FOCAD: variants seen among roughly 807,000 people sequenced by gnomAD.
The protein encoded by FOCAD is focadhesin.
Under a neutral mutation model 225.6 loss-of-function variants are expected in FOCAD, and 198 were observed. That is an observed-to-expected ratio of 0.88 (90% confidence interval 0.78 to 0.99). The LOEUF is 0.99. FOCAD is among the 50% of genes least tolerant of loss of function. The probability of loss-of-function intolerance (pLI) is 0.00; values close to 1 mark genes in which losing one functional copy is unlikely to be tolerated. For missense variants in FOCAD, 2,713 were observed against 2,123.6 expected (o/e 1.28, Z -5.46); for synonymous variants, 897 against 755.0 (o/e 1.19, Z -3.08).
intron 2 of FOCAD, among the ~76,000 whole-genome samples, chr9:20,671,616 A>AAT (rs886682923): frequency 1.3e-4 from 6 of 46,656 alleles, no homozygotes; most frequent in Non-Finnish European, 2.7e-4. Context: ...CATGTAATAA[A>AAT]AGAGGAGAGA....
intron 1 of FOCAD, among the ~76,000 whole-genome samples, chr9:20,706,098 C>A (rs1824366531): frequency 6.6e-6 from 1 of 151,764 alleles, no homozygotes; most frequent in African/African-American, 2.4e-5. Flanking sequence ...CCATACCCGG[C>A]TAATTTTTAA....
rs1025573635 is a variant in FOCAD at position 20,868,105 on chromosome 9, A to T, written c.2190+1093A>T. ...GGTAAAGATGTGTTATGACTCATACAATTAAAAAAGATGGGACTTCAGACT... is the reference window on the plus strand; with the variant it reads ...GGTAAAGATGTGTTATGACTCATACTATTAAAAAAGATGGGACTTCAGACT... On this transcript the variant is annotated intron_variant, in intron 18 of 43. Coordinates refer to ENST00000338382, the MANE Select transcript of FOCAD (RefSeq NM_001375567.1). Among the ~76,000 whole-genome samples the T allele has an allele frequency of 7.2e-5, 11 of 152,228 alleles. 1 individual carries two copies. Among genetic ancestry groups the T allele is most frequent in the Admixed American group, 5.9e-4 (9 of 15,264 alleles).
chr9:20,679,920 A>G (rs1822350757), upstream of FOCAD, among the ~76,000 whole-genome samples: 2 of 152,190 alleles, frequency 1.3e-5, no homozygotes, highest in Non-Finnish European at 2.9e-5. Context: ...TGTAACCCCT[A>G]TGAAGGACCA....
At chr9:20,819,101 G>A (rs1373743208) in intron 11 of FOCAD, among the ~76,000 whole-genome samples, 1 of 152,122 alleles carries the variant, frequency 6.6e-6, no homozygotes, top group Admixed American at 6.6e-5. Flanking sequence ...ACTGACTTCA[G>A]TTACTTCTTA....
chr9:20,923,924 C>T (rs1312455468), intron 25 of FOCAD, among the ~76,000 whole-genome samples, 156 bp downstream of exon 25: 1 of 152,132 alleles, frequency 6.6e-6, no homozygotes, highest in Non-Finnish European at 1.5e-5. Flanking sequence ...CAGTGTCTTC[C>T]TAACTTTGCT....
In FOCAD at chr9:20,740,331, A is replaced by G. The variant is rs1409003772; in HGVS notation, c.383A>G (p.Tyr128Cys). 3 of 1,577,614 alleles carry G rather than the reference A, an allele frequency of 1.9e-6. No homozygotes were observed. Among genetic ancestry groups the G allele is most frequent in the Admixed American group, 1.8e-5 (1 of 56,630 alleles). ...QGGEKNIQSIYTIRNHPHPLI... is the reference protein window; with the variant it reads ...QGGEKNIQSICTIRNHPHPLI... ...GGGGAAAAGAATATTCAGAGTATAT[A>G]TACCATTAGGTAAGCCTTTTTTCTG... The change falls in exon 5 of 44, where the codon TAT becomes TGT. Residue 128 changes from tyrosine (Y) to cysteine (C), a missense_variant. Tyr to Cys is a radical substitution (Grantham distance 194). Coordinates refer to ENST00000338382, the MANE Select transcript of FOCAD (RefSeq NM_001375567.1).
intron 1 of FOCAD, among the ~76,000 whole-genome samples, chr9:20,710,806 C>G (rs1191739536): frequency 6.6e-6 from 1 of 152,086 alleles, no homozygotes; most frequent in African/African-American, 2.4e-5. Flanking sequence ...TTTATTTACC[C>G]TAGCTGCCTG....
intron 5 of FOCAD, among the ~76,000 whole-genome samples, chr9:20,744,246 T>G (rs1359051363): frequency 6.6e-6 from 1 of 152,188 alleles, no homozygotes; most frequent in South Asian, 2.1e-4. Flanking sequence ...AGCTCATCTT[T>G]GGAGTTTTTA....
At chr9:20,873,747 A>G (rs1030817971) in intron 18 of FOCAD, 4 of 152,166 alleles carry the variant, frequency 2.6e-5, no homozygotes, top group Admixed American at 6.6e-5. Flanking sequence ...GAGTCAGTGC[A>G]CTTCCTAAAT....
chr9:20,714,815 G>A (rs1228328397), intron 1 of FOCAD, among the ~76,000 whole-genome samples: 1 of 152,150 alleles, frequency 6.6e-6, no homozygotes, highest in African/African-American at 2.4e-5. Flanking sequence ...TTAGGAAACA[G>A]TCTGTTTTAA....
Position 20,695,637 on chromosome 9 carries a change from G to A in FOCAD, c.-33+11344G>A, listed in dbSNP as rs549487271. Among the ~76,000 whole-genome samples, 3 of 152,278 alleles carry A rather than the reference G, an allele frequency of 2.0e-5. No homozygotes were observed. In the South Asian group the frequency reaches 6.2e-4, roughly 32 times the overall value. On this transcript the variant is annotated intron_variant, in intron 1 of 43. Transcript: ENST00000338382. ...TGGACAACAAAGGAAGGCGAGGTAG[G>A]GAAGTAAGGATTATCCACCCATCTA...
chr9:20,728,330 A>T (rs1826386985), intron 4 of FOCAD, among the ~76,000 whole-genome samples: 1 of 152,174 alleles, frequency 6.6e-6, no homozygotes, highest in African/African-American at 2.4e-5. Flanking sequence ...CACAAAATTC[A>T]TTTATATTTC....
chr9:20,833,647 G>C (rs192505349), intron 15 of FOCAD, among the ~76,000 whole-genome samples: 1 of 151,952 alleles, frequency 6.6e-6, no homozygotes, highest in Non-Finnish European at 1.5e-5. Context: ...GTAGTCCTTC[G>C]AAGTGTGTCC....
intron 14 of FOCAD, 101 bp downstream of exon 14, chr9:20,821,172 A>G (rs1824285117): frequency 2.8e-6 from 3 of 1,063,300 alleles, no homozygotes; most frequent in Non-Finnish European, 3.9e-6. Flanking sequence ...GGCAGAGGAT[A>G]TATAAGTACT....
chr9:20,764,363 C>T (rs532946347), intron 6 of FOCAD, among the ~76,000 whole-genome samples: 1 of 152,280 alleles, frequency 6.6e-6, no homozygotes, highest in South Asian at 2.1e-4. Flanking sequence ...AGGCGATTCT[C>T]CTGCCTCAGC....
intron 5 of FOCAD, among the ~76,000 whole-genome samples, chr9:20,741,009 A>G (rs1291967069): frequency 6.6e-6 from 1 of 152,192 alleles, no homozygotes; most frequent in Non-Finnish European, 1.5e-5. Context: ...CAGAGGACCC[A>G]GAAGATGCAT....
chr9:20,852,566 G>A (rs1827774117), intron 15 of FOCAD, among the ~76,000 whole-genome samples: 2 of 151,678 alleles, frequency 1.3e-5, no homozygotes, highest in African/African-American at 2.4e-5. Context: ...AAATGCATTC[G>A]TGGAATTCTA....
intron 22 of FOCAD, among the ~76,000 whole-genome samples, chr9:20,911,341 G>A (rs972723777): frequency 6.6e-6 from 1 of 152,052 alleles, no homozygotes; most frequent in Non-Finnish European, 1.5e-5. Flanking sequence ...ATGGTGAGTC[G>A]GGAGTTGTGC....
At chr9:20,866,888 C>CCTTT in intron 17 of FOCAD, 41 bp from the exon 18 acceptor site, 4 of 341,496 alleles carry the variant, frequency 1.2e-5, no homozygotes, top group Non-Finnish European at 1.7e-5. Flanking sequence ...TGTTTGCTTG[C>CCTTT]TTTTTTTTTT....
Sources: allele counts gnomAD v4.1 joint callset (sites outside exome capture counted in the v4.1 genomes callset), GRCh38; gene constraint gnomAD v4.1.1; transcripts MANE v1.5; gene names NCBI Gene and HGNC (gene_info 2026-07-23, HGNC 2026-07-21).